PCDH15: variants seen among roughly 807,000 people sequenced by gnomAD.
The protein encoded by PCDH15 is protocadherin related 15.
PCDH15 carries 129 observed loss-of-function variants against 178.5 expected under a neutral mutation model. The ratio of observed to expected loss-of-function variants is 0.72; its 90% confidence interval spans 0.63 to 0.84. The LOEUF (loss-of-function observed/expected upper bound fraction) is 0.84, where lower values mean the gene tolerates loss of function less well. Among genes scored for constraint, PCDH15 ranks in the 40% least tolerant of loss-of-function variants. The pLI, the probability that PCDH15 is intolerant of heterozygous loss-of-function variation, is 0.00. For synonymous variants in PCDH15, 800 were observed against 732.0 expected (o/e 1.09, Z -1.50); for missense variants, 2,230 against 2,099.9 (o/e 1.06, Z -1.21).
At chr10:54,825,251 A>G in intron 3 of PCDH15, among the ~76,000 whole-genome samples, 1 of 151,654 alleles carries the variant, frequency 6.6e-6, no homozygotes, top group Non-Finnish European at 1.5e-5. Flanking sequence ...TATGTGCCAC[A>G]GTTTCTTAAT....
At chr10:54,655,334 G>GAGAAAGAA (rs369827895) in intron 2 of PCDH15, among the ~76,000 whole-genome samples, 2 of 142,700 alleles carry the variant, frequency 1.4e-5, no homozygotes, top group Non-Finnish European at 3.0e-5. Flanking sequence ...GAGAGAAAGA[G>GAGAAAGAA]AGAAAGAAAG....
intron 3 of PCDH15, among the ~76,000 whole-genome samples, chr10:54,454,017 A>G (rs989456487): frequency 6.6e-6 from 1 of 151,836 alleles, no homozygotes; most frequent in African/African-American, 2.4e-5. Flanking sequence ...ATGTATATTT[A>G]TATACATCTC....
chr10:54,203,156 A>G (rs1361326377), intron 10 of PCDH15, among the ~76,000 whole-genome samples: 1 of 152,308 alleles, frequency 6.6e-6, no homozygotes, highest in East Asian at 1.9e-4. Flanking sequence ...TTTGGAGTCT[A>G]GTAACTGAAA....
intron 11 of PCDH15, among the ~76,000 whole-genome samples, chr10:54,189,936 T>G (rs906732952): frequency 2.0e-5 from 3 of 151,356 alleles, no homozygotes; most frequent in Admixed American, 1.3e-4. Flanking sequence ...TGTGTGTGTG[T>G]GTGTGTGTGT....
At chr10:55,257,062 T>A (rs551619861) in intron 1 of PCDH15, among the ~76,000 whole-genome samples, 2 of 152,266 alleles carry the variant, frequency 1.3e-5, no homozygotes, top group South Asian at 4.1e-4. Flanking sequence ...CATTTGCTGT[T>A]CACCAATATC....
At chr10:54,504,935 A>G (rs969328316) in intron 3 of PCDH15, among the ~76,000 whole-genome samples, 3 of 152,162 alleles carry the variant, frequency 2.0e-5, no homozygotes, top group African/African-American at 7.2e-5. Flanking sequence ...TTATAATGTC[A>G]ATTATTAACA....
At chr10:54,311,874 T>C (rs920477936) in intron 8 of PCDH15, among the ~76,000 whole-genome samples, 7 of 152,106 alleles carry the variant, frequency 4.6e-5, no homozygotes, top group African/African-American at 1.7e-4. Context: ...TATTATATCA[T>C]AGTTCATGAG....
At chr10:54,998,184 G>T (rs1326156073) in intron 2 of PCDH15, among the ~76,000 whole-genome samples, 1 of 152,028 alleles carries the variant, frequency 6.6e-6, no homozygotes, top group African/African-American at 2.4e-5. Flanking sequence ...GCAAAGTTTT[G>T]CCATAAAATA....
At chr10:54,116,509 G>A (rs1033732998) in intron 15 of PCDH15, among the ~76,000 whole-genome samples, 7 of 152,196 alleles carry the variant, frequency 4.6e-5, no homozygotes, top group Non-Finnish European at 8.8e-5. Flanking sequence ...AAATGATCAG[G>A]TAGAGCAATG....
intron 1 of PCDH15, among the ~76,000 whole-genome samples, chr10:54,749,963 G>C (rs945117684): frequency 5.3e-5 from 8 of 151,972 alleles, no homozygotes; most frequent in Non-Finnish European, 1.2e-4. Context: ...CCTGATCTCA[G>C]TTTTCTCATA....
chr10:55,159,002 T>C (rs1303036366), intron 2 of PCDH15, among the ~76,000 whole-genome samples: 7 of 152,056 alleles, frequency 4.6e-5, no homozygotes, highest in Non-Finnish European at 1.0e-4. Flanking sequence ...GCAACAAACC[T>C]ACGCAGTGTG....
intron 3 of PCDH15, among the ~76,000 whole-genome samples, chr10:54,396,437 C>G (rs889997614): frequency 6.6e-5 from 10 of 152,098 alleles, no homozygotes; most frequent in African/African-American, 2.4e-4. Flanking sequence ...TTGTTAATCT[C>G]TCTTTTGGTC....
chr10:54,484,592 A>T (rs1208730276), intron 3 of PCDH15, among the ~76,000 whole-genome samples: 1 of 151,948 alleles, frequency 6.6e-6, no homozygotes, highest in Non-Finnish European at 1.5e-5. Context: ...TATAAATCAG[A>T]TACAAGCCAC....
In PCDH15 at chr10:54,099,513, A is replaced by AAAAAAAAAATATAT. The variant is rs1347306483; in HGVS notation, c.1918-9451_1918-9450insATATATTTTTTTTT. On this transcript the variant is annotated intron_variant, in intron 15 of 37. Transcript: ENST00000644397. Reference sequence around the variant, plus strand: ...GACTCCATCTCAAAAAAAAAAAAAAAATATATATATATATATATAAAACAA... The same window carrying AAAAAAAAAATATAT: ...GACTCCATCTCAAAAAAAAAAAAAAAAAAAAAAAATATATATATATATATATATATATAAAACAA... Among the ~76,000 whole-genome samples the AAAAAAAAAATATAT allele has an allele frequency of 2.2e-4, 26 of 117,880 alleles. 1 individual carries two copies. The highest frequency in any genetic ancestry group is 1.7e-3 in the South Asian group (6 of 3,446). 77.3% of individuals were successfully genotyped at this position (117,880 alleles called of 152,430 possible). A position where few individuals can be genotyped will look rare whatever the true frequency, so the allele number is the denominator to read the frequency against.
intron 25 of PCDH15, among the ~76,000 whole-genome samples, chr10:53,932,785 T>C (rs1049986548): frequency 1.3e-5 from 2 of 152,174 alleles, no homozygotes; most frequent in Non-Finnish European, 2.9e-5. Context: ...GCCACACAGA[T>C]GGGCAATCAC....
intron 3 of PCDH15, among the ~76,000 whole-genome samples, chr10:54,414,351 G>A (rs948957160): frequency 1.7e-4 from 26 of 152,090 alleles, no homozygotes; most frequent in African/African-American, 6.3e-4. Context: ...TTTTTGGAGG[G>A]TTTTGGACCT....
intron 2 of PCDH15, among the ~76,000 whole-genome samples, chr10:55,337,960 A>G (rs117094160): frequency 1.6e-3 from 242 of 152,314 alleles, no homozygotes; most frequent in Middle Eastern, 3.4e-3. Flanking sequence ...AAGCAATTCA[A>G]TAGGAAAAAA....
rs35648214 is a variant in PCDH15, at chr10:54,503,264, T to TGTGTGTGTGTGTGTGTGTGTGTGA, written c.157+24547_157+24548insTCACACACACACACACACACACAC. On this transcript the variant is annotated intron_variant, in intron 3 of 37. Transcript: ENST00000644397. The stretch of plus-strand genomic sequence containing the variant: ...GTGTGTGTGTGTGTGTGTGTGTGTG[T>TGTGTGTGTGTGTGTGTGTGTGTGA]GATTATATATATTTATATATAATAT... 4.4e-5 allele frequency among the ~76,000 whole-genome samples: 6 copies of TGTGTGTGTGTGTGTGTGTGTGTGA among 137,374 alleles called. No homozygotes were observed. In the East Asian group the frequency reaches 1.1e-3, roughly 25 times the overall value. 90.1% of individuals were successfully genotyped at this position (137,374 alleles called of 152,430 possible). A position where few individuals can be genotyped will look rare whatever the true frequency, so the allele number is the denominator to read the frequency against.
intron 34 of PCDH15, among the ~76,000 whole-genome samples, chr10:53,817,469 A>AAGTT (rs1011007636): frequency 2.0e-5 from 3 of 151,728 alleles, no homozygotes; most frequent in African/African-American, 7.3e-5. Flanking sequence ...AAAAGATCAA[A>AAGTT]AGTTAAGTAG....
Sources: gnomAD v4.1 joint callset for allele counts (sites outside exome capture counted in the v4.1 genomes callset) on GRCh38, gnomAD v4.1.1 for gene constraint, MANE v1.5 for transcripts, NCBI Gene and HGNC (gene_info 2026-07-23, HGNC 2026-07-21) for gene names.